CNTNAP2: variants seen among roughly 807,000 people sequenced by gnomAD.
The protein encoded by CNTNAP2 is contactin associated protein 2, also known as contactin-associated protein-like 2.
Under a neutral mutation model 155.2 loss-of-function variants are expected in CNTNAP2, and 98 were observed. The observed-to-expected ratio is 0.63, with a 90% CI of 0.54 to 0.75. The LOEUF is 0.75. CNTNAP2 is among the 30% of genes least tolerant of loss of function. CNTNAP2 has a pLI of 0.00. For synonymous variants in CNTNAP2, 651 were observed against 631.2 expected (o/e 1.03, Z -0.47); for missense variants, 1,727 against 1,688.1 (o/e 1.02, Z -0.40).
chr7:147,433,556 T>G (rs1797499879), intron 10 of CNTNAP2, among the ~76,000 whole-genome samples: 2 of 152,242 alleles, frequency 1.3e-5, no homozygotes, highest in Admixed American at 1.3e-4. Context: ...GCAAAAGTGT[T>G]GATGACTGAG....
At chr7:148,337,195 AG>A (rs1046167206) in intron 21 of CNTNAP2, among the ~76,000 whole-genome samples, 1 of 151,986 alleles carries the variant, frequency 6.6e-6, no homozygotes, top group African/African-American at 2.4e-5. Context: ...ACTAAAGCTG[AG>A]GAGGCCCCTG....
chr7:147,318,227 A>T (rs1795272908), intron 9 of CNTNAP2, among the ~76,000 whole-genome samples: 1 of 152,294 alleles, frequency 6.6e-6, no homozygotes, highest in South Asian at 2.1e-4. Context: ...GAATCACTTG[A>T]GCCCAGGAGT....
At chr7:146,495,552 ATT>A (rs57676970) in intron 1 of CNTNAP2, among the ~76,000 whole-genome samples, 2,830 of 133,332 alleles carry the variant, frequency 0.021, 41 homozygotes, top group African/African-American at 0.075. Context: ...CTAACAGGTC[ATT>A]TTTTTTTTTT....
At chr7:146,158,593 C>T (rs1023286098) in intron 1 of CNTNAP2, among the ~76,000 whole-genome samples, 1 of 152,100 alleles carries the variant, frequency 6.6e-6, no homozygotes, top group Non-Finnish European at 1.5e-5. Flanking sequence ...CTATGTGACG[C>T]ATGTGCAAGC....
intron 1 of CNTNAP2, among the ~76,000 whole-genome samples, chr7:146,280,589 C>G (rs2372516): frequency 2.0e-5 from 3 of 152,174 alleles, no homozygotes; most frequent in African/African-American, 7.2e-5. Flanking sequence ...CTCAGTGATT[C>G]TGAATTCTGT....
At chr7:147,863,548 A>G (rs754737933) in intron 13 of CNTNAP2, among the ~76,000 whole-genome samples, 1 of 152,230 alleles carries the variant, frequency 6.6e-6, no homozygotes, top group Admixed American at 6.5e-5. Flanking sequence ...TCCCACCAAC[A>G]GTGTAAAAGC....
chr7:147,547,398 C>T (rs1799756223), intron 11 of CNTNAP2, among the ~76,000 whole-genome samples: 1 of 152,072 alleles, frequency 6.6e-6, no homozygotes, highest in South Asian at 2.1e-4. Context: ...TGCTTAATCA[C>T]CATTAACACT....
At chr7:147,713,928 A>G (rs7457657) in intron 13 of CNTNAP2, among the ~76,000 whole-genome samples, 2,503 of 152,248 alleles carry the variant, frequency 0.016, 224 homozygotes, top group Admixed American at 0.15. Flanking sequence ...CTAGCAAAGT[A>G]CTAACAATGT....
At chr7:146,609,063 T>C (rs752747633) in intron 1 of CNTNAP2, among the ~76,000 whole-genome samples, 19 of 152,192 alleles carry the variant, frequency 1.2e-4, no homozygotes, top group Non-Finnish European at 2.6e-4. Flanking sequence ...TCAAGGATTA[T>C]GGCATTTGTC....
At chr7:148,150,179 G>A (rs528564872) in intron 17 of CNTNAP2, among the ~76,000 whole-genome samples, 52 of 149,538 alleles carry the variant, frequency 3.5e-4, no homozygotes, top group Admixed American at 2.5e-3. Flanking sequence ...TTGGGAGGCC[G>A]AGGCAGGCGG....
chr7:146,150,411 T>C (rs1049561492), intron 1 of CNTNAP2, among the ~76,000 whole-genome samples: 1 of 152,120 alleles, frequency 6.6e-6, no homozygotes, highest in African/African-American at 2.4e-5. Context: ...ATTTACTCTG[T>C]AGAAATAAAA....
intron 1 of CNTNAP2, among the ~76,000 whole-genome samples, chr7:146,489,554 G>GT (rs1797108085): frequency 6.6e-6 from 1 of 152,092 alleles, no homozygotes; most frequent in Non-Finnish European, 1.5e-5. Context: ...TCCACGGCCA[G>GT]TGACACACAC....
chr7:147,798,978 T>C (rs1473080824), intron 13 of CNTNAP2, among the ~76,000 whole-genome samples: 1 of 152,144 alleles, frequency 6.6e-6, no homozygotes, highest in African/African-American at 2.4e-5. Flanking sequence ...AGATGGATGA[T>C]GGTAAGCTTG....
At chr7:147,978,675 A>T (rs1801472550) in intron 15 of CNTNAP2, among the ~76,000 whole-genome samples, 3 of 152,150 alleles carry the variant, frequency 2.0e-5, no homozygotes, top group Non-Finnish European at 2.9e-5. Context: ...AGTCAGAGGG[A>T]AACAGTGACA....
At chr7:147,686,983 T>C (rs962526746) in intron 13 of CNTNAP2, among the ~76,000 whole-genome samples, 17 of 152,068 alleles carry the variant, frequency 1.1e-4, no homozygotes, top group Non-Finnish European at 1.5e-5. Flanking sequence ...CATTTATCTA[T>C]TGTATATTTC....
intron 13 of CNTNAP2, among the ~76,000 whole-genome samples, chr7:147,662,038 C>CTT (rs547266130): frequency 7.8e-4 from 119 of 152,292 alleles, no homozygotes; most frequent in Non-Finnish European, 1.4e-3. Context: ...ACCTCTGAGT[C>CTT]TTGGTTTTCT....
intron 2 of CNTNAP2, among the ~76,000 whole-genome samples, chr7:146,779,831 A>T (rs1802451943): frequency 6.6e-6 from 1 of 152,204 alleles, no homozygotes; most frequent in African/African-American, 2.4e-5. Flanking sequence ...TTCCTTCAGC[A>T]GGGAAAACAC....
chr7:146,698,257 CTT>C (rs1395382605), intron 1 of CNTNAP2, among the ~76,000 whole-genome samples: 3 of 151,922 alleles, frequency 2.0e-5, no homozygotes, highest in African/African-American at 2.4e-5. Flanking sequence ...CTTAAATACT[CTT>C]TCTTTATGTA....
chr7:146,210,237 T>C (rs1456546055), intron 1 of CNTNAP2, among the ~76,000 whole-genome samples: 5 of 152,268 alleles, frequency 3.3e-5, no homozygotes, highest in Non-Finnish European at 5.9e-5. Context: ...CCTAAACTCT[T>C]TAAACCTCAG....
Sources: gnomAD v4.1 joint callset for allele counts (sites outside exome capture counted in the v4.1 genomes callset) on GRCh38, gnomAD v4.1.1 for gene constraint, MANE v1.5 for transcripts, NCBI Gene and HGNC (gene_info 2026-07-23, HGNC 2026-07-21) for gene names.